The following RFTN1 variants were observed in gnomAD, a reference collection of about 807,000 sequenced individuals.
The protein encoded by RFTN1 is raftlin.
Under a neutral mutation model 46.5 loss-of-function variants are expected in RFTN1, and 26 were observed. The observed-to-expected ratio is 0.56, with a 90% CI of 0.41 to 0.78. The LOEUF is 0.78. RFTN1 is among the 30% of genes least tolerant of loss of function. The pLI is 0.00. For missense variants in RFTN1, 693 were observed against 718.7 expected (o/e 0.96, Z 0.41); for synonymous variants, 261 against 284.2 (o/e 0.92, Z 0.82).
Position 16,513,255 on chromosome 3 carries a change from AGGTCCCCAT to A in RFTN1, c.-9+178_-9+186del. On this transcript the variant is annotated intron_variant, in intron 1 of 9. Transcript: ENST00000334133. The surrounding 1 kb of genome is among the most constrained non-coding windows in gnomAD (Gnocchi z 5.4). ...ATCCAGGCGTCCCAAGGATCAGCCC[AGGTCCCCAT>A]CCGACGCGGGCCAGGGGGTGCTGCT... is the stretch of plus-strand genomic sequence containing the variant. The A allele has an allele frequency of 6.5e-6, 1 of 152,682 alleles. No individual in the cohort carries two copies. Among genetic ancestry groups the A allele is most frequent in the East Asian group, 1.9e-4 (1 of 5,194 alleles). 9.5% of individuals were successfully genotyped at this position (152,682 alleles called of 1,614,324 possible).
chr3:16,412,569 T>G (rs2074998960), intron 3 of RFTN1, among the ~76,000 whole-genome samples: 1 of 152,156 alleles, frequency 6.6e-6, no homozygotes, highest in South Asian at 2.1e-4. Context: ...GAGACCATGG[T>G]TGCTGTGGCA....
At chr3:16,494,556 G>C (rs2076594172) in intron 1 of RFTN1, among the ~76,000 whole-genome samples, 1 of 152,172 alleles carries the variant, frequency 6.6e-6, no homozygotes, top group Non-Finnish European at 1.5e-5. Context: ...AGCAGGGATA[G>C]AGCAATTGGA....
In RFTN1 at chr3:16,381,552, A is replaced by AT. The variant is rs2073994052; in HGVS notation, c.442-3451_442-3450insA. ...GCCTCACCTTAAAGCATTCAAATCC[A>AT]ATTTTTTTTTTCCAAAATGCCATGC... On this transcript the variant is annotated intron_variant, in intron 4 of 9. Coordinates refer to ENST00000334133, the MANE Select transcript of RFTN1 (RefSeq NM_015150.2). The surrounding 1 kb of genome is among the most constrained non-coding windows in gnomAD (Gnocchi z 4.2). 2.0e-5 allele frequency among the ~76,000 whole-genome samples: 3 copies of AT among 151,258 alleles called. No homozygotes were observed. Among genetic ancestry groups the AT allele is most frequent in the Non-Finnish European group, 3.0e-5 (2 of 67,600 alleles).
rs879496773 is a variant in RFTN1, at chr3:16,422,628, TAAA to T, written c.332+11220_332+11222del. Among the ~76,000 whole-genome samples, 1 of 140,366 alleles carries T rather than the reference TAAA, an allele frequency of 7.1e-6. No homozygotes were observed. Among genetic ancestry groups the T allele is most frequent in the Non-Finnish European group, 1.6e-5 (1 of 64,166 alleles). 92.1% of individuals were successfully genotyped at this position (140,366 alleles called of 152,430 possible). A position where few individuals can be genotyped will look rare whatever the true frequency, so the allele number is the denominator to read the frequency against. ...CCTGGTGACAAAGCGAGACTCCGTC[TAAA>T]AAAAAAAAAGAATAGTGCCCTACTG... On this transcript the variant is annotated intron_variant, in intron 3 of 9. Coordinates refer to ENST00000334133, the MANE Select transcript of RFTN1 (RefSeq NM_015150.2). The surrounding 1 kb of genome is among the most constrained non-coding windows in gnomAD (Gnocchi z 4.6).
Position 16,407,024 on chromosome 3 carries a change from G to C in RFTN1, c.441+2351C>G, listed in dbSNP as rs2074874096. Among the ~76,000 whole-genome samples the C allele has an allele frequency of 6.6e-6, 1 of 152,142 alleles. No individual in the cohort carries two copies. The highest frequency in any genetic ancestry group is 1.5e-5 in the Non-Finnish European group (1 of 68,024). Reference sequence around the variant, plus strand: ...CTAACTTTGAGGGCCTTTCCCACTGGACAGATGGACATCTCCACTTGGGTA... The same window carrying C: ...CTAACTTTGAGGGCCTTTCCCACTGCACAGATGGACATCTCCACTTGGGTA... On this transcript the variant is annotated intron_variant, in intron 4 of 9. Transcript: ENST00000334133. This position sits in a 1 kb window ranked among gnomAD's most constrained non-coding sequence, Gnocchi z 4.0.
In RFTN1 at chr3:16,413,864, C is replaced by G. The variant is rs2075019882; in HGVS notation, c.333-4381G>C. Among the ~76,000 whole-genome samples, 1 of 152,186 alleles carries G rather than the reference C, an allele frequency of 6.6e-6. No individual in the cohort carries two copies. The highest frequency in any genetic ancestry group is 1.5e-5 in the Non-Finnish European group (1 of 68,040). On this transcript the variant is annotated intron_variant, in intron 3 of 9. Transcript: ENST00000334133. This position sits in a 1 kb window ranked among gnomAD's most constrained non-coding sequence, Gnocchi z 4.7. ...TAACTAGAGGCAGGTAATACACCAG[C>G]TGTGAGCCTTTGGGCAATTTACTTA...
chr3:16,497,581 C>A (rs1242317067), intron 1 of RFTN1, among the ~76,000 whole-genome samples: 1 of 152,170 alleles, frequency 6.6e-6, no homozygotes, highest in Non-Finnish European at 1.5e-5. Context: ...GGCTCTCATG[C>A]CCACCCTGCT....
chr3:16,445,655 T>C (rs1354694253), intron 2 of RFTN1, among the ~76,000 whole-genome samples: 2 of 152,084 alleles, frequency 1.3e-5, no homozygotes, highest in South Asian at 2.1e-4. Context: ...AAAAAGAGAA[T>C]GTAAAATATC....
chr3:16,414,295 GAA>G (rs199935896), intron 3 of RFTN1, among the ~76,000 whole-genome samples: 1 of 125,090 alleles, frequency 8.0e-6, no homozygotes, highest in Non-Finnish European at 1.7e-5. Flanking sequence ...GGGAAGTCTT[GAA>G]AAAAAAAAAA....
intron 4 of RFTN1, among the ~76,000 whole-genome samples, chr3:16,401,727 A>G (rs1443889385): frequency 6.6e-6 from 1 of 152,224 alleles, no homozygotes; most frequent in East Asian, 1.9e-4. Flanking sequence ...TAGATCTTGC[A>G]GTCTTTTTAA....
At chr3:16,508,025 C>T (rs2076839128) in intron 1 of RFTN1, among the ~76,000 whole-genome samples, 1 of 152,296 alleles carries the variant, frequency 6.6e-6, no homozygotes, top group South Asian at 2.1e-4. Context: ...GTGTGGAAAC[C>T]TCCAATACGG....
At chr3:16,362,469 C>G (rs1050846588) in intron 6 of RFTN1, among the ~76,000 whole-genome samples, 11 of 152,126 alleles carry the variant, frequency 7.2e-5, no homozygotes, top group African/African-American at 2.7e-4. Context: ...GTCCAGCTTA[C>G]TTTTTAAGTC....
chr3:16,393,288 G>T (rs1228152127), intron 4 of RFTN1, among the ~76,000 whole-genome samples: 1 of 151,968 alleles, frequency 6.6e-6, no homozygotes, highest in Non-Finnish European at 1.5e-5. Context: ...GGAGGTGAAG[G>T]AATCAGCCAA....
intron 5 of RFTN1, among the ~76,000 whole-genome samples, chr3:16,375,246 G>C (rs1166046332): frequency 9.2e-5 from 14 of 152,070 alleles, no homozygotes; most frequent in African/African-American, 3.4e-4. Context: ...ACAGTGAGTG[G>C]GCTTCCTAGG....
At chr3:16,435,049 G>C (rs1239481753) in intron 2 of RFTN1, among the ~76,000 whole-genome samples, 1 of 152,080 alleles carries the variant, frequency 6.6e-6, no homozygotes, top group Non-Finnish European at 1.5e-5. Flanking sequence ...AAAGTCAAAA[G>C]GTACAAATGT....
At chr3:16,364,149 G>A (rs1489223858) in intron 6 of RFTN1, among the ~76,000 whole-genome samples, 2 of 152,208 alleles carry the variant, frequency 1.3e-5, no homozygotes, top group African/African-American at 4.8e-5. Flanking sequence ...CTCCTCTTCA[G>A]GTAGAAAAGG....
At chr3:16,456,088 C>T (rs1045303371) in intron 2 of RFTN1, among the ~76,000 whole-genome samples, 1 of 151,562 alleles carries the variant, frequency 6.6e-6, no homozygotes, top group African/African-American at 2.4e-5. Context: ...AGAACATGAG[C>T]GAAACTTTAC....
At position 16,507,154 on chromosome 3, in the gene RFTN1, T is replaced by C. The variant is rs1021611169; in HGVS notation, c.-9+6288A>G. ...GACTAAATAAGGTAGGGTGAGTTAC[T>C]ATTTAACAGGGCTCAGAAGAGCTCA... On this transcript the variant is annotated intron_variant, in intron 1 of 9. Transcript: ENST00000334133. This position sits in a 1 kb window ranked among gnomAD's most constrained non-coding sequence, Gnocchi z 7.1. Among the ~76,000 whole-genome samples, 1 of 152,216 alleles carries C rather than the reference T, an allele frequency of 6.6e-6. No individual in the cohort carries two copies. The highest frequency in any genetic ancestry group is 1.5e-5 in the Non-Finnish European group (1 of 68,040).
At chr3:16,388,538 G>C (rs2074264015) in intron 4 of RFTN1, among the ~76,000 whole-genome samples, 1 of 152,172 alleles carries the variant, frequency 6.6e-6, no homozygotes, top group Non-Finnish European at 1.5e-5. Context: ...CATCTTAACA[G>C]TGAAGAAAAC....
Sources: allele counts gnomAD v4.1 joint callset (sites outside exome capture counted in the v4.1 genomes callset), GRCh38; gene constraint gnomAD v4.1.1; non-coding constraint Gnocchi (gnomAD v3.1); transcripts MANE v1.5; gene names NCBI Gene and HGNC (gene_info 2026-07-23, HGNC 2026-07-21).